The following CABCOCO1 variants were observed in gnomAD, a reference collection of about 807,000 sequenced individuals.
CABCOCO1 encodes the protein ciliary associated calcium binding coiled-coil 1, also known as ciliary-associated calcium-binding coiled-coil protein 1.
In CABCOCO1, 28 loss-of-function variants were observed where a neutral mutation model predicts 35.7. The ratio of observed to expected loss-of-function variants is 0.78; its 90% CI spans 0.58 to 1.07. CABCOCO1 has a LOEUF of 1.07. Ranked by LOEUF, CABCOCO1 falls within the 50% of genes least tolerant of loss-of-function variation. The pLI is 0.00. For missense variants in CABCOCO1, 326 were observed against 309.2 expected (o/e 1.05, Z -0.41); for synonymous variants, 95 against 100.1 (o/e 0.95, Z 0.30).
intron 5 of CABCOCO1, among the ~76,000 whole-genome samples, chr10:61,743,308 A>G (rs1051405831): frequency 3.3e-5 from 5 of 152,214 alleles, no homozygotes; most frequent in African/African-American, 9.6e-5. Context: ...CAATGTAGCC[A>G]TAGCAAAAGA....
chr10:61,763,096 A>C (rs1306052006), intron 7 of CABCOCO1, among the ~76,000 whole-genome samples: 1 of 152,058 alleles, frequency 6.6e-6, no homozygotes, highest in Non-Finnish European at 1.5e-5. Context: ...GGAATATTTA[A>C]TGAATCACTA....
chr10:61,680,671 C>CAT (rs74188857), intron 2 of CABCOCO1, among the ~76,000 whole-genome samples: 4,475 of 52,936 alleles, frequency 0.085, 684 homozygotes, highest in Non-Finnish European at 0.12. Context: ...ACATGTATAA[C>CAT]ATATATGTTA....
intron 5 of CABCOCO1, among the ~76,000 whole-genome samples, chr10:61,696,828 A>G (rs1840308619): frequency 6.6e-6 from 1 of 152,068 alleles, no homozygotes; most frequent in Non-Finnish European, 1.5e-5. Context: ...ATACACAAAT[A>G]GTTTCTTTGA....
rs1481233393 is a variant in CABCOCO1 at position 61,751,174 on chromosome 10, C to T, written c.553-8885C>T. Among the ~76,000 whole-genome samples, 4 of 151,834 alleles carry T rather than the reference C, an allele frequency of 2.6e-5. No individual in the cohort carries two copies. The East Asian group carries it at 5.8e-4, about 22-fold the overall frequency. On this transcript the variant is annotated intron_variant, in intron 5 of 7. Transcript: ENST00000648843. ...AGGGCTGAGACCACAGCTTCCTCCA[C>T]CCCTTGCTTTGCTTCGCTCTGCTTT...
intron 7 of CABCOCO1, 113 bp downstream of exon 7, chr10:61,761,116 G>A (rs1027544602): frequency 8.9e-6 from 10 of 1,124,934 alleles, no homozygotes; most frequent in East Asian, 5.0e-5. Flanking sequence ...TGCTTATGAC[G>A]AAGTTCAATT....
chr10:61,663,872 C>G (rs2131938325), intron 1 of CABCOCO1, among the ~76,000 whole-genome samples: 1 of 152,138 alleles, frequency 6.6e-6, no homozygotes, highest in Middle Eastern at 3.4e-3. Flanking sequence ...TACGATTGTT[C>G]CTAGGAAGTT....
chr10:61,740,068 G>T (rs1035761313), intron 5 of CABCOCO1, among the ~76,000 whole-genome samples: 17 of 152,194 alleles, frequency 1.1e-4, no homozygotes, highest in Admixed American at 5.9e-4. Flanking sequence ...GAGAAGTTGT[G>T]CCATTAGTAT....
At chr10:61,682,147 T>C (rs1012200386) in intron 3 of CABCOCO1, among the ~76,000 whole-genome samples, 2 of 152,222 alleles carry the variant, frequency 1.3e-5, no homozygotes, top group African/African-American at 4.8e-5. Flanking sequence ...ATATTTCTTT[T>C]TTAAACTTTT....
At chr10:61,747,027 G>A (rs1841677875) in intron 5 of CABCOCO1, among the ~76,000 whole-genome samples, 1 of 152,062 alleles carries the variant, frequency 6.6e-6, no homozygotes, top group African/African-American at 2.4e-5. Context: ...AGATGGTGAA[G>A]TTCAGATATA....
intron 2 of CABCOCO1, among the ~76,000 whole-genome samples, chr10:61,680,644 A>AC (rs1564532566): frequency 1.1e-5 from 1 of 92,124 alleles, no homozygotes; most frequent in African/African-American, 3.8e-5. Context: ...ATACATATAT[A>AC]ATATATATTA....
chr10:61,709,933 A>G (rs10994887), intron 5 of CABCOCO1, among the ~76,000 whole-genome samples: 24,936 of 151,956 alleles, frequency 0.16, 2,569 homozygotes, highest in East Asian at 0.55. Context: ...AAAACTATAA[A>G]ATGAATTAAG....
intron 5 of CABCOCO1, among the ~76,000 whole-genome samples, chr10:61,716,602 T>A (rs1411233078): frequency 6.6e-6 from 1 of 152,194 alleles, no homozygotes; most frequent in Non-Finnish European, 1.5e-5. Context: ...CATTTTCCCC[T>A]GTGAACTCTC....
intron 5 of CABCOCO1, among the ~76,000 whole-genome samples, chr10:61,746,386 G>A (rs750265942): frequency 9.2e-5 from 14 of 151,932 alleles, no homozygotes; most frequent in Non-Finnish European, 1.6e-4. Flanking sequence ...AAAAAACTTC[G>A]CAGTTGTTTT....
chr10:61,671,258 G>A lies in CABCOCO1; in HGVS notation c.61-1374G>A, dbSNP rs911617011. On this transcript the variant is annotated intron_variant, in intron 1 of 7. Coordinates refer to ENST00000648843, the MANE Select transcript of CABCOCO1 (RefSeq NM_001366906.2). ...GGAGAATGGTGTGAACCTGGGAGGC[G>A]GAGCTTGCAGTGAGCCGAGATCAGC... is the stretch of plus-strand genomic sequence containing the variant. Among the ~76,000 whole-genome samples the A allele has an allele frequency of 4.6e-5, 7 of 152,032 alleles. No individual in the cohort carries two copies. In the South Asian group the frequency reaches 8.3e-4, roughly 18 times the overall value.
rs574228355 is a variant in CABCOCO1, at chr10:61,698,808, C to T, written c.552+8187C>T. Among the ~76,000 whole-genome samples, 3 of 152,012 alleles carry T rather than the reference C, an allele frequency of 2.0e-5. No individual in the cohort carries two copies. In the South Asian group the frequency reaches 6.2e-4, roughly 32 times the overall value. On this transcript the variant is annotated intron_variant, in intron 5 of 7. Transcript: ENST00000648843. ...TCTTTAAACTATAAAGTTATAGTGT[C>T]CTGAATAAACAAAATATGAGACTTA...
chr10:61,677,886 A>G (rs1839572504), intron 2 of CABCOCO1, among the ~76,000 whole-genome samples: 1 of 137,446 alleles, frequency 7.3e-6, no homozygotes. Flanking sequence ...CTGGTTCTCC[A>G]GAAGTGTTTC....
intron 2 of CABCOCO1, among the ~76,000 whole-genome samples, chr10:61,677,877 T>A (rs1396350463): frequency 5.5e-5 from 8 of 145,508 alleles, no homozygotes; most frequent in African/African-American, 2.0e-4. Context: ...AGATTGTCTC[T>A]GGTTCTCCAG....
At chr10:61,677,548 C>T (rs1023879352) in intron 2 of CABCOCO1, among the ~76,000 whole-genome samples, 5 of 150,446 alleles carry the variant, frequency 3.3e-5, no homozygotes, top group Non-Finnish European at 5.9e-5. Context: ...TTTTCTTTTT[C>T]TTTTTTTTTA....
At chr10:61,741,577 T>C (rs554398861) in intron 5 of CABCOCO1, among the ~76,000 whole-genome samples, 1,328 of 59,454 alleles carry the variant, frequency 0.022, 47 homozygotes, top group Admixed American at 0.2. Flanking sequence ...ATGTTACCAA[T>C]AATAAGTTGT....
Sources: gnomAD v4.1 joint callset for allele counts (sites outside exome capture counted in the v4.1 genomes callset) on GRCh38, gnomAD v4.1.1 for gene constraint, MANE v1.5 for transcripts, NCBI Gene and HGNC (gene_info 2026-07-23, HGNC 2026-07-21) for gene names.